The following NLGN1 variants were observed in gnomAD, a reference collection of about 807,000 sequenced individuals.
The protein encoded by NLGN1 is neuroligin 1, also known as neuroligin-1.
In NLGN1, 12 loss-of-function variants were observed where a neutral mutation model predicts 65.5. The ratio of observed to expected loss-of-function variants is 0.18; its 90% CI spans 0.12 to 0.30. The LOEUF (loss-of-function observed/expected upper bound fraction) is 0.30. Ranked by LOEUF, NLGN1 falls within the 10% of genes least tolerant of loss-of-function variation. The pLI, the probability that NLGN1 is intolerant of heterozygous loss-of-function variation, is 1.00. For synonymous variants in NLGN1, 350 were observed against 359.5 expected, an observed-to-expected ratio of 0.97 and a Z score of 0.30; for missense variants, 750 against 1,007.1, an observed-to-expected ratio of 0.74 and a Z score of 3.46.
chr3:174,137,707 GAT>G (rs1326230659), intron 4 of NLGN1, among the ~76,000 whole-genome samples: 3 of 152,054 alleles, frequency 2.0e-5, no homozygotes, highest in South Asian at 2.1e-4. Flanking sequence ...TATTAATTTT[GAT>G]ATGTCTTTGT....
At chr3:173,909,137 A>G (rs568477248) in intron 4 of NLGN1, among the ~76,000 whole-genome samples, 1 of 152,112 alleles carries the variant, frequency 6.6e-6, no homozygotes, top group Non-Finnish European at 1.5e-5. Flanking sequence ...TATGAATTGT[A>G]TTCTATTAGC....
At chr3:174,197,751 C>CGTGTGTGTGTGTGTGT (rs71162378) in intron 4 of NLGN1, among the ~76,000 whole-genome samples, 1,549 of 141,680 alleles carry the variant, frequency 0.011, 12 homozygotes, top group Middle Eastern at 0.024. Flanking sequence ...CCCATTATCT[C>CGTGTGTGTGTGTGTGT]GTGTGTGTGT....
At chr3:173,773,920 G>C (rs1301248537) in intron 3 of NLGN1, among the ~76,000 whole-genome samples, 2 of 152,148 alleles carry the variant, frequency 1.3e-5, no homozygotes, top group Non-Finnish European at 2.9e-5. Context: ...TTAAAATGGA[G>C]TTAATCATGT....
intron 4 of NLGN1, among the ~76,000 whole-genome samples, chr3:173,838,056 G>A (rs1249287164): frequency 6.6e-6 from 1 of 152,132 alleles, no homozygotes; most frequent in Non-Finnish European, 1.5e-5. Context: ...TCACAGGTAA[G>A]AGATATTACG....
intron 2 of NLGN1, among the ~76,000 whole-genome samples, chr3:173,479,113 A>G (rs946419685): frequency 1.3e-5 from 2 of 152,190 alleles, no homozygotes; most frequent in African/African-American, 4.8e-5. Flanking sequence ...TGTTTGTTAA[A>G]TAAACAAGGC....
At chr3:173,605,430 C>A (rs746069139) in intron 3 of NLGN1, 104 bp from the exon 3 acceptor site, 2 of 516,716 alleles carry the variant, frequency 3.9e-6, no homozygotes, top group Non-Finnish European at 6.5e-6. Flanking sequence ...ATCTTTCGCA[C>A]TCAGTAAATG....
chr3:174,010,215 A>C (rs1725259544), intron 4 of NLGN1, among the ~76,000 whole-genome samples: 1 of 152,182 alleles, frequency 6.6e-6, no homozygotes, highest in African/African-American at 2.4e-5. Flanking sequence ...CTTTAGGCCA[A>C]CTCAGTCTCT....
At chr3:173,675,724 A>T (rs1326084985) in intron 3 of NLGN1, among the ~76,000 whole-genome samples, 1 of 151,984 alleles carries the variant, frequency 6.6e-6, no homozygotes, top group Admixed American at 6.6e-5. Flanking sequence ...GGTTATAGAA[A>T]TGCAAAACAA....
At chr3:173,685,677 G>T in intron 3 of NLGN1, 1 of 985,346 alleles carries the variant, frequency 1.0e-6, no homozygotes. Context: ...GCTATGTCAT[G>T]TAAGGACTCA....
intron 2 of NLGN1, among the ~76,000 whole-genome samples, chr3:173,475,075 A>T (rs981995216): frequency 2.6e-5 from 4 of 152,350 alleles, no homozygotes; most frequent in Admixed American, 1.3e-4. Flanking sequence ...TAGATGCAGC[A>T]TCAAAATTAC....
At chr3:173,558,448 T>G (rs1039884702) in intron 2 of NLGN1, among the ~76,000 whole-genome samples, 3 of 152,174 alleles carry the variant, frequency 2.0e-5, no homozygotes, top group South Asian at 2.1e-4. Flanking sequence ...TTCCAAATAC[T>G]TACATGCTAA....
chr3:173,547,928 T>G (rs1367492829), intron 2 of NLGN1, among the ~76,000 whole-genome samples: 2 of 152,046 alleles, frequency 1.3e-5, no homozygotes, highest in African/African-American at 4.8e-5. Flanking sequence ...GAACAAAACC[T>G]GAACATGTTT....
chr3:173,605,483 G>T, intron 3 of NLGN1, 51 bp from the exon 3 acceptor site: 1 of 990,634 alleles, frequency 1.0e-6, no homozygotes, highest in Non-Finnish European at 1.4e-6. Flanking sequence ...ATGTTCCGGC[G>T]GTCTATGATG....
chr3:174,201,596 CAAAT>C (rs1183998169), intron 4 of NLGN1, among the ~76,000 whole-genome samples: 2 of 45,124 alleles, frequency 4.4e-5, no homozygotes, highest in Admixed American at 2.4e-4. Context: ...ATTGCAAACT[CAAAT>C]GAATGAAGTC....
chr3:173,883,206 G>T (rs1029737561), intron 4 of NLGN1, among the ~76,000 whole-genome samples: 1 of 151,972 alleles, frequency 6.6e-6, no homozygotes, highest in African/African-American at 2.4e-5. Context: ...CCACTTGAAC[G>T]CTTAGCAGCC....
chr3:174,283,314 A>G (rs555297047), exon 7 of NLGN1: 1 of 151,474 alleles, frequency 6.6e-6, no homozygotes, highest in East Asian at 1.9e-4. Context: ...AATGTTTGTT[A>G]TGAATTTAAA....
intron 4 of NLGN1, among the ~76,000 whole-genome samples, chr3:174,225,605 C>T (rs1266735250): frequency 6.6e-6 from 1 of 152,114 alleles, no homozygotes; most frequent in Non-Finnish European, 1.5e-5. Flanking sequence ...GTGGCGGGCG[C>T]CTGTAGTCCC....
At chr3:173,758,656 C>T (rs1344262785) in intron 3 of NLGN1, among the ~76,000 whole-genome samples, 3 of 151,960 alleles carry the variant, frequency 2.0e-5, no homozygotes, top group Non-Finnish European at 4.4e-5. Context: ...CCTTATTCTT[C>T]AACCAAAATA....
intron 3 of NLGN1, among the ~76,000 whole-genome samples, chr3:173,750,183 A>T (rs934651283): frequency 1.3e-5 from 2 of 151,952 alleles, no homozygotes; most frequent in African/African-American, 2.4e-5. Flanking sequence ...TCCTTCATAT[A>T]GGCAGATCTA....
Sources: allele counts gnomAD v4.1 joint callset (sites outside exome capture counted in the v4.1 genomes callset), GRCh38; gene constraint gnomAD v4.1.1; transcripts MANE v1.5; gene names NCBI Gene and HGNC (gene_info 2026-07-23, HGNC 2026-07-21).